Variants in ARB2A observed in about 807,000 individuals in gnomAD.
The protein encoded by ARB2A is cotranscriptional regulator ARB2A.
At chr5:93,955,405 T>G in the ARB2A span, among the ~76,000 whole-genome samples, 9 of 152,296 alleles carry the variant, frequency 5.9e-5, 1 homozygote, top group Admixed American at 5.2e-4. Context: ...ATAAATTACA[T>G]TAATAAAAAT....
At chr5:94,104,636 C>T in the ARB2A span, among the ~76,000 whole-genome samples, 29 of 151,914 alleles carry the variant, frequency 1.9e-4, no homozygotes, top group Admixed American at 1.9e-3. Context: ...AGGGACTCCT[C>T]GTCAAATCAT....
the ARB2A span, among the ~76,000 whole-genome samples, chr5:93,887,013 T>C: frequency 6.6e-6 from 1 of 151,642 alleles, no homozygotes. Context: ...AAAGAAAACA[T>C]GCCACAAAAA....
chr5:93,740,820 C>G, the ARB2A span: 1 of 1,613,748 alleles, frequency 6.2e-7, no homozygotes, highest in Non-Finnish European at 8.5e-7. Context: ...CCTTCTGCAG[C>G]TGGAGGCACC....
chr5:93,813,372 G>A, the ARB2A span, among the ~76,000 whole-genome samples: 2 of 152,128 alleles, frequency 1.3e-5, no homozygotes, highest in Non-Finnish European at 2.9e-5. Context: ...AGTGTTAGAG[G>A]AGCAGCTTGT....
chr5:93,946,337 C>T, the ARB2A span, among the ~76,000 whole-genome samples: 3 of 151,998 alleles, frequency 2.0e-5, no homozygotes, highest in South Asian at 2.1e-4. Flanking sequence ...AAAGAGAGTA[C>T]TCCAGAGGAA....
chr5:93,678,208 C>T, the ARB2A span, among the ~76,000 whole-genome samples: 1 of 152,156 alleles, frequency 6.6e-6, no homozygotes. Context: ...CAAAGCTGAA[C>T]CTACTATAGA....
At chr5:93,687,518 T>C in the ARB2A span, among the ~76,000 whole-genome samples, 1 of 152,216 alleles carries the variant, frequency 6.6e-6, no homozygotes, top group Non-Finnish European at 1.5e-5. Flanking sequence ...ATTAATTAAA[T>C]GCAATATGGT....
At chr5:93,813,662 G>A in the ARB2A span, among the ~76,000 whole-genome samples, 1 of 152,116 alleles carries the variant, frequency 6.6e-6, no homozygotes, top group Non-Finnish European at 1.5e-5. Context: ...GAAGGCAACT[G>A]TCTACAAGAC....
the ARB2A span, among the ~76,000 whole-genome samples, chr5:93,914,225 C>A: frequency 6.6e-6 from 1 of 151,814 alleles, no homozygotes; most frequent in African/African-American, 2.4e-5. Context: ...AATTCTGTAA[C>A]CATGGCTAAT....
At chr5:94,103,717 T>C in the ARB2A span, among the ~76,000 whole-genome samples, 5 of 148,434 alleles carry the variant, frequency 3.4e-5, no homozygotes, top group African/African-American at 1.2e-4. Flanking sequence ...CAACAGAATA[T>C]ACATTCTTCT....
the ARB2A span, among the ~76,000 whole-genome samples, chr5:93,917,815 T>TAG: frequency 6.6e-6 from 1 of 152,136 alleles, no homozygotes; most frequent in East Asian, 1.9e-4. Flanking sequence ...ATGTTTGAGG[T>TAG]AGCAGTGGGC....
the ARB2A span, among the ~76,000 whole-genome samples, chr5:93,660,413 C>T: frequency 1.7e-3 from 258 of 152,066 alleles, no homozygotes; most frequent in African/African-American, 5.8e-3. Flanking sequence ...GTAGTGGGGA[C>T]GTCTTTATGA....
chr5:94,103,525 C>G, the ARB2A span, among the ~76,000 whole-genome samples: 1 of 152,044 alleles, frequency 6.6e-6, no homozygotes, highest in Admixed American at 6.6e-5. Context: ...AAAATAAGTT[C>G]TTAGAGACCT....
At chr5:93,816,099 C>T in the ARB2A span, among the ~76,000 whole-genome samples, 9 of 152,234 alleles carry the variant, frequency 5.9e-5, no homozygotes, top group South Asian at 6.2e-4. Flanking sequence ...TATTTAATAA[C>T]GATTGGATCC....
the ARB2A span, among the ~76,000 whole-genome samples, chr5:93,688,554 C>T: frequency 1.3e-5 from 2 of 152,028 alleles, no homozygotes; most frequent in East Asian, 1.9e-4. Context: ...TTTCCTTTCT[C>T]CTTCATAGTC....
At chr5:93,983,079 A>G in the ARB2A span, among the ~76,000 whole-genome samples, 2 of 152,266 alleles carry the variant, frequency 1.3e-5, no homozygotes, top group East Asian at 3.9e-4. Flanking sequence ...GAAAAGGTAG[A>G]GTAGAAAGAC....
At chr5:93,635,685 C>T in the ARB2A span, among the ~76,000 whole-genome samples, 1 of 151,986 alleles carries the variant, frequency 6.6e-6, no homozygotes, top group Admixed American at 6.6e-5. Context: ...GGTGATCTGC[C>T]CACCTCAGTC....
At chr5:93,648,393 T>C in the ARB2A span, among the ~76,000 whole-genome samples, 1 of 152,128 alleles carries the variant, frequency 6.6e-6, no homozygotes, top group African/African-American at 2.4e-5. Context: ...AATGATTACA[T>C]TGAACACCCA....
At chr5:93,694,551 A>G in the ARB2A span, among the ~76,000 whole-genome samples, 1 of 152,226 alleles carries the variant, frequency 6.6e-6, no homozygotes, top group Non-Finnish European at 1.5e-5. Context: ...ACACAAACAA[A>G]TGGAAAAACA....
Sources: gnomAD v4.1 joint callset for allele counts (sites outside exome capture counted in the v4.1 genomes callset) on GRCh38, gnomAD v4.1.1 for gene constraint, MANE v1.5 for transcripts, NCBI Gene and HGNC (gene_info 2026-07-23, HGNC 2026-07-21) for gene names.